PCLO: variants seen among roughly 807,000 people sequenced by gnomAD.
PCLO encodes protein piccolo.
In PCLO, 82 loss-of-function variants were observed where a neutral mutation model predicts 427.5. The ratio of observed to expected loss-of-function variants is 0.19; its 90% confidence interval spans 0.16 to 0.23. The LOEUF (loss-of-function observed/expected upper bound fraction) is 0.23, where lower values mean the gene tolerates loss of function less well. Ranked by LOEUF, PCLO falls within the 10% of genes least tolerant of loss-of-function variation. The pLI, the probability that PCLO is intolerant of heterozygous loss-of-function variation, is 1.00. For synonymous variants in PCLO, 2,357 were observed against 2,155.4 expected (o/e 1.09, Z -2.59); for missense variants, 6,239 against 6,115.9 (o/e 1.02, Z -0.67).
chr7:83,079,290 T>C (rs6947557), intron 3 of PCLO, among the ~76,000 whole-genome samples: 103 of 152,270 alleles, frequency 6.8e-4, no homozygotes, highest in Non-Finnish European at 1.2e-3. Context: ...AACTACAGTA[T>C]GGCCTATAAA....
chr7:82,925,965 C>T (rs1482982024), intron 6 of PCLO, among the ~76,000 whole-genome samples: 1 of 151,942 alleles, frequency 6.6e-6, no homozygotes, highest in Non-Finnish European at 1.5e-5. Context: ...GAGATCCTCC[C>T]ACCTTGGCTG....
intron 3 of PCLO, among the ~76,000 whole-genome samples, chr7:83,071,275 T>C (rs1749160935): frequency 6.6e-6 from 1 of 152,176 alleles, no homozygotes; most frequent in South Asian, 2.1e-4. Flanking sequence ...AATATGTGTT[T>C]TCTAGATATT....
rs770874257 is a variant in PCLO at position 82,916,051 on chromosome 7, C to T, written c.11935G>A (p.Glu3979Lys). The T allele has an allele frequency of 2.5e-6, 4 of 1,613,138 alleles. No homozygotes were observed. Among genetic ancestry groups the T allele is most frequent in the Non-Finnish European group, 3.4e-6 (4 of 1,179,770 alleles). ...ATAAGGGGTTGGTTGCGAATCACTTCATAGTTTGAGGTTATCTTGGGCTCC... is the reference window on the plus strand; with the variant it reads ...ATAAGGGGTTGGTTGCGAATCACTTTATAGTTTGAGGTTATCTTGGGCTCC... The part of the protein sequence containing the change: ...YLEPKITSNY[E>K]VIRNQPLMIA... The change falls in exon 7 of 25, where the codon GAA (glutamate) becomes AAA (lysine). Residue 3979 changes from glutamate (E) to lysine (K), a missense_variant. Glu to Lys is a moderately conservative substitution (Grantham distance 56, BLOSUM62 1). This residue lies in a region of PCLO where 680 missense variants were observed against 677.3 expected (regional missense o/e 1.00). Transcript: ENST00000333891.
rs373397615 is a variant in PCLO at position 82,955,425 on chromosome 7, C to T, written c.5528G>A (p.Arg1843His). 6.2e-6 allele frequency: 10 copies of T among 1,613,798 alleles called. No homozygotes were observed. The highest frequency in any genetic ancestry group is 1.7e-5 in the Admixed American group (1 of 59,992). Residue 1843 changes from arginine (R) to histidine (H), a missense_variant, in exon 5 of 25, where the codon CGT becomes CAT. This residue lies in a region of PCLO where 4,677 missense variants were observed against 4,468.4 expected (regional missense o/e 1.05). Transcript: ENST00000333891. ...GAGCTCCTCCATTTCTGCAGCCTGACGTAACTCTTCTGTCGGAGATGCATC... is the reference window on the plus strand; with the variant it reads ...GAGCTCCTCCATTTCTGCAGCCTGATGTAACTCTTCTGTCGGAGATGCATC... ...IEDASPTEELRQAAEMEELHR... is the reference protein window; with the variant it reads ...IEDASPTEELHQAAEMEELHR...
intron 3 of PCLO, among the ~76,000 whole-genome samples, chr7:83,109,934 C>T (rs1463470324): frequency 2.0e-5 from 3 of 151,468 alleles, no homozygotes; most frequent in African/African-American, 7.3e-5. Flanking sequence ...AAATTTAGAG[C>T]CAGACTGTCT....
intron 22 of PCLO, among the ~76,000 whole-genome samples, chr7:82,792,802 T>A (rs922048886): frequency 6.6e-6 from 1 of 152,288 alleles, no homozygotes; most frequent in South Asian, 2.1e-4. Flanking sequence ...AATAATTTTG[T>A]ATTGCCTTTA....
At chr7:82,999,204 T>C (rs936433125) in intron 3 of PCLO, among the ~76,000 whole-genome samples, 2 of 144,636 alleles carry the variant, frequency 1.4e-5, no homozygotes, top group African/African-American at 5.0e-5. Flanking sequence ...AATTGTGGGA[T>C]ACCTATTAAA....
At chr7:83,104,961 A>G (rs1790818998) in intron 3 of PCLO, among the ~76,000 whole-genome samples, 1 of 94,884 alleles carries the variant, frequency 1.1e-5, no homozygotes, top group Non-Finnish European at 2.0e-5. Flanking sequence ...AAAGGCAGAA[A>G]TTCAAGATCA....
chr7:83,094,210 C>CTTTTTTTT (rs767490139), intron 3 of PCLO, among the ~76,000 whole-genome samples: 5 of 126,020 alleles, frequency 4.0e-5, no homozygotes, highest in African/African-American at 6.1e-5. Flanking sequence ...ATTTTTTTTT[C>CTTTTTTTT]TTTTTTTTTT....
intron 3 of PCLO, among the ~76,000 whole-genome samples, chr7:82,971,034 T>G (rs1795891369): frequency 6.6e-6 from 1 of 151,872 alleles, no homozygotes; most frequent in Admixed American, 6.6e-5. Flanking sequence ...CCAAAGATTT[T>G]TGTATCAGTG....
At chr7:83,120,057 T>A (rs1036245857) in intron 3 of PCLO, among the ~76,000 whole-genome samples, 4 of 151,438 alleles carry the variant, frequency 2.6e-5, no homozygotes, top group African/African-American at 9.7e-5. Flanking sequence ...ACAGGGAAAA[T>A]CTAAGAGTTA....
At chr7:82,794,450 ATTTTTTTTCT>A (rs1477523957) in intron 22 of PCLO, among the ~76,000 whole-genome samples, 170 of 62,074 alleles carry the variant, frequency 2.7e-3, no homozygotes, top group Non-Finnish European at 4.5e-3. Flanking sequence ...TAGTTCATAA[ATTTTTTTTCT>A]TTTTTTTTTT....
intron 22 of PCLO, among the ~76,000 whole-genome samples, chr7:82,784,367 C>T (rs1188029671): frequency 1.3e-5 from 2 of 152,144 alleles, no homozygotes; most frequent in African/African-American, 2.4e-5. Flanking sequence ...AGGATTCACA[C>T]AGCTCTCTCC....
intron 3 of PCLO, among the ~76,000 whole-genome samples, chr7:83,090,621 T>C (rs1790354285): frequency 1.3e-5 from 2 of 152,090 alleles, no homozygotes; most frequent in South Asian, 4.1e-4. Context: ...AATCTTATGA[T>C]TCAAAACACA....
intron 3 of PCLO, among the ~76,000 whole-genome samples, chr7:83,031,694 A>G (rs374905073): frequency 7.2e-5 from 11 of 151,896 alleles, no homozygotes; most frequent in Non-Finnish European, 1.5e-4. Flanking sequence ...GAAAAGCTAC[A>G]TTAAGAAATG....
chr7:83,134,340 A>G lies in PCLO; in HGVS notation c.3210T>C (p.Ser1070=). The G allele has an allele frequency of 6.2e-7, 1 of 1,611,648 alleles. No homozygotes were observed. Among genetic ancestry groups the G allele is most frequent in the Non-Finnish European group, 8.5e-7 (1 of 1,178,762 alleles). Reference sequence around the variant, plus strand: ...AAGTATTGAAGTTAGGAGGATCCTTAGAACCTATGTTGAGTTCAGTTTTGC... The same window carrying G: ...AAGTATTGAAGTTAGGAGGATCCTTGGAACCTATGTTGAGTTCAGTTTTGC... ...PLCKTELNIG[S]KDPPNFNTCT... The change falls in exon 3 of 25, where the codon TCT becomes TCC. Residue 1070 remains serine (S), a synonymous_variant. Coordinates refer to ENST00000333891, the MANE Select transcript of PCLO (RefSeq NM_033026.6).
intron 3 of PCLO, among the ~76,000 whole-genome samples, chr7:82,996,240 T>C (rs1003609386): frequency 4.6e-5 from 7 of 151,974 alleles, no homozygotes; most frequent in African/African-American, 1.7e-4. Flanking sequence ...GTAAGGTTAT[T>C]GTTTCAATTT....
chr7:83,146,988 C>G (rs935840890), intron 2 of PCLO, among the ~76,000 whole-genome samples: 1 of 150,516 alleles, frequency 6.6e-6, no homozygotes, highest in African/African-American at 2.4e-5. Flanking sequence ...AACAGGCTTA[C>G]TAGACATTAT....
At chr7:83,022,421 A>T (rs781552772) in intron 3 of PCLO, among the ~76,000 whole-genome samples, 4 of 152,222 alleles carry the variant, frequency 2.6e-5, no homozygotes, top group Non-Finnish European at 5.9e-5. Flanking sequence ...ACTTAAGCAA[A>T]GGTAGCTGGA....
Sources: gnomAD v4.1 joint callset for allele counts (sites outside exome capture counted in the v4.1 genomes callset) on GRCh38, gnomAD v4.1.1 for gene constraint, gnomAD v4.1.1 regional missense constraint, MANE v1.5 for transcripts, NCBI Gene and HGNC (gene_info 2026-07-23, HGNC 2026-07-21) for gene names.